The following PDPK1 variants were observed in gnomAD, a reference collection of about 807,000 sequenced individuals.
The protein encoded by PDPK1 is 3-phosphoinositide-dependent protein kinase 1.
Under a neutral mutation model 39.8 loss-of-function variants are expected in PDPK1, and 7 were observed. The ratio of observed to expected loss-of-function variants is 0.18; its 90% CI spans 0.10 to 0.33. PDPK1 has a LOEUF of 0.33. PDPK1 is among the 10% of genes least tolerant of loss of function. The pLI is 1.00. For synonymous variants in PDPK1, 118 were observed against 159.1 expected, an observed-to-expected ratio of 0.74 and a Z score of 1.95; for missense variants, 182 against 384.7, an observed-to-expected ratio of 0.47 and a Z score of 4.41.
intron 2 of PDPK1, among the ~76,000 whole-genome samples, chr16:2,558,434 C>G (rs1403529202): frequency 6.6e-6 from 1 of 150,490 alleles, no homozygotes; most frequent in African/African-American, 2.5e-5. Flanking sequence ...AAACAGTACG[C>G]TCTGGACATT....
chr16:2,595,431 G>A (rs928705370), intron 11 of PDPK1, among the ~76,000 whole-genome samples: 1 of 152,166 alleles, frequency 6.6e-6, no homozygotes, highest in African/African-American at 2.4e-5. Context: ...CCTTTCGGGA[G>A]GCAGTTCTGC....
At position 2,597,763 on chromosome 16, in the gene PDPK1, A is replaced by G; in HGVS notation, c.1667A>G (p.Gln556Arg). The G allele has an allele frequency of 1.9e-6, 3 of 1,608,364 alleles. No individual in the cohort carries two copies. Among genetic ancestry groups the G allele is most frequent in the Non-Finnish European group, 2.6e-6 (3 of 1,176,184 alleles). ...RYQSHPDAAV[Q>R] ...CAGAGCCACCCGGACGCCGCTGTGC[A>G]GTGACGTGGCCTGCGGCCGGGCTGC... is the stretch of plus-strand genomic sequence containing the variant. Residue 556 changes from glutamine to arginine, a missense_variant, in exon 14 of 14, where the codon CAG becomes CGG. Coordinates refer to ENST00000342085, the MANE Select transcript of PDPK1 (RefSeq NM_002613.5). This position sits in a 1 kb window ranked among gnomAD's most constrained non-coding sequence, Gnocchi z 6.3.
chr16:2,586,774 A>C lies in PDPK1; in HGVS notation c.1224A>C (p.Ser408=). ...SASDTGLPQR[S]GSNIEQYIHD... is the part of the protein sequence containing the mutation. ...CCGACACGGGCCTGCCCCAGAGGTC[A>C]GGCAGCAACATAGAGCAGTACATTC... is the stretch of plus-strand genomic sequence containing the variant. Residue 408 remains serine (S), a synonymous_variant, in exon 11 of 14, where the codon TCA becomes TCC. Coordinates refer to ENST00000342085, the MANE Select transcript of PDPK1 (RefSeq NM_002613.5). 6.2e-7 allele frequency: 1 copy of C among 1,614,262 alleles called. No homozygotes were observed. Among genetic ancestry groups the C allele is most frequent in the Non-Finnish European group, 8.5e-7 (1 of 1,180,040 alleles).
intron 6 of PDPK1, chr16:2,576,373 C>A (rs1165919162): frequency 6.8e-6 from 1 of 147,984 alleles, no homozygotes; most frequent in Non-Finnish European, 1.5e-5. Flanking sequence ...TTCCTCTAGG[C>A]CGGCAGGGGC....
At chr16:2,545,883 C>T (rs368742350) in intron 1 of PDPK1, among the ~76,000 whole-genome samples, 46 of 152,148 alleles carry the variant, frequency 3.0e-4, no homozygotes, top group African/African-American at 4.3e-4. Flanking sequence ...GTGATCCTAC[C>T]ACCTGCTCCT....
At chr16:2,592,357 T>C (rs549601636) in intron 11 of PDPK1, among the ~76,000 whole-genome samples, 1 of 152,162 alleles carries the variant, frequency 6.6e-6, no homozygotes, top group Non-Finnish European at 1.5e-5. Flanking sequence ...AAGTCCCGTG[T>C]GCATGGCGAG....
At chr16:2,596,835 GAGAGCAGGCTTCTGTCCCAGGC>G (rs960698049) in intron 12 of PDPK1, among the ~76,000 whole-genome samples, 14 of 152,140 alleles carry the variant, frequency 9.2e-5, no homozygotes, top group African/African-American at 3.4e-4. Flanking sequence ...GCCGGCTACC[GAGAGCAGGCTTCTGTCCCAGGC>G]AGAGCAGAGG....
rs56318884 is a variant in PDPK1 at position 2,601,813 on chromosome 16, C to A, written c.*4046C>A. On this transcript the variant is annotated 3_prime_UTR_variant, in exon 14 of 14. Coordinates refer to ENST00000342085, the MANE Select transcript of PDPK1 (RefSeq NM_002613.5). ...TGGTGTAGATTTCAGGCCGCCCCCC[C>A]CAACTCCCTGCCCACAGTGTTGCAG... is the stretch of plus-strand genomic sequence containing the variant. 1.8e-5 allele frequency: 4 copies of A among 226,640 alleles called. No homozygotes were observed. Among genetic ancestry groups the A allele is most frequent in the Non-Finnish European group, 3.5e-5 (4 of 113,820 alleles). 14.0% of individuals were successfully genotyped at this position (226,640 alleles called of 1,614,324 possible). A position where few individuals can be genotyped will look rare whatever the true frequency, so the allele number is the denominator to read the frequency against.
chr16:2,577,731 T>TTTTTTG lies in PDPK1; in HGVS notation c.785+243_785+248dup, dbSNP rs1453729236. On this transcript the variant is annotated intron_variant, in intron 7 of 13. Transcript: ENST00000342085. ...GGTTGCAGATTGAATCGTTTGGGTT[T>TTTTTTG]TTTTTGTTTTTGTTTTTTTGTTTTT... is the stretch of plus-strand genomic sequence containing the variant. Among the ~76,000 whole-genome samples the TTTTTTG allele has an allele frequency of 4.9e-4, 73 of 149,738 alleles. 3 individuals are homozygous for TTTTTTG. The East Asian group carries it at 0.013, about 27-fold the overall frequency.
At chr16:2,541,396 G>A (rs1302261474) in intron 1 of PDPK1, among the ~76,000 whole-genome samples, 3 of 152,228 alleles carry the variant, frequency 2.0e-5, no homozygotes, top group Admixed American at 6.5e-5. Context: ...GGGAAGCGCT[G>A]CAGAAATGAG....
At chr16:2,545,038 ATT>A (rs1233218927) in intron 1 of PDPK1, among the ~76,000 whole-genome samples, 10 of 134,786 alleles carry the variant, frequency 7.4e-5, no homozygotes, top group East Asian at 2.1e-4. Context: ...TTAACATTGC[ATT>A]TTTTTTTTTT....
Position 2,593,333 on chromosome 16 carries a change from C to G in PDPK1, c.1344-2460C>G. ...ACTGTGAATTTGCTGTGGGGTGCAG[C>G]TGATGGCCCATGGCGGCTGTATCTG... is the stretch of plus-strand genomic sequence containing the variant. On this transcript the variant is annotated intron_variant, in intron 11 of 13. Transcript: ENST00000342085. The surrounding 1 kb of genome is among the most constrained non-coding windows in gnomAD (Gnocchi z 4.2). 5.8e-6 allele frequency: 2 copies of G among 344,052 alleles called. No homozygotes were observed. The highest frequency in any genetic ancestry group is 2.2e-5 in the South Asian group (1 of 45,080). The allele number at this position is 344,052 out of a possible 1,614,324, so 21.3% of individuals were successfully genotyped here.
At position 2,586,698 on chromosome 16, in the gene PDPK1, T is replaced by C; in HGVS notation, c.1148T>C (p.Phe383Ser). 1 of 1,614,224 alleles carries C rather than the reference T, an allele frequency of 6.2e-7. No individual in the cohort carries two copies. The highest frequency in any genetic ancestry group is 8.5e-7 in the Non-Finnish European group (1 of 1,180,026). Reference sequence around the variant, plus strand: ...CAGTATGACAATCTCCTGAGCCAGTTTGGCTGCATGCAGGTGTCTTCGTCC... The same window carrying C: ...CAGTATGACAATCTCCTGAGCCAGTCTGGCTGCATGCAGGTGTCTTCGTCC... The part of the protein sequence containing the change: ...YGNYDNLLSQ[F>S]GCMQVSSSSS... The change falls in exon 11 of 14, where the codon TTT becomes TCT. Residue 383 changes from phenylalanine to serine, a missense_variant. Transcript: ENST00000342085.
intron 12 of PDPK1, 135 bp from the exon 13 acceptor site, chr16:2,596,988 C>T: frequency 5.7e-6 from 3 of 523,512 alleles, no homozygotes; most frequent in Admixed American, 6.9e-5. Context: ...AGTCCCCTGC[C>T]CCTGGGTGAG....
At position 2,601,364 on chromosome 16, in the gene PDPK1, A is replaced by AT. The variant is rs2067211688; in HGVS notation, c.*3603dup. 8.5e-6 allele frequency: 2 copies of AT among 234,498 alleles called. No individual in the cohort carries two copies. The highest frequency in any genetic ancestry group is 5.6e-5 in the Admixed American group (1 of 17,766). The allele number at this position is 234,498 out of a possible 1,614,324, so 14.5% of individuals were successfully genotyped here. On this transcript the variant is annotated 3_prime_UTR_variant, in exon 14 of 14. Transcript: ENST00000342085. The stretch of plus-strand genomic sequence containing the variant: ...CACTACTGCAATCCATCTGTGGCCG[A>AT]TTTTTTCCAAGAGCCAATTTCCTTG...
intron 1 of PDPK1, chr16:2,538,761 G>C (rs1403750306): frequency 1.6e-6 from 2 of 1,284,694 alleles, no homozygotes; most frequent in Non-Finnish European, 2.0e-6. Flanking sequence ...AGGGGAAAGT[G>C]AGCTTGACAG....
Position 2,586,815 on chromosome 16 carries a change from A to G in PDPK1, c.1265A>G (p.Asn422Ser). ...IEQYIHDLDS[N>S]SFELDLQFSE... The stretch of plus-strand genomic sequence containing the variant: ...CAGTACATTCACGATCTGGACTCGA[A>G]CTCCTTTGAACTGGACTTACAGTTT... The change falls in exon 11 of 14, where the codon AAC becomes AGC. Residue 422 changes from asparagine (N) to serine (S), a missense_variant. Asn to Ser is a conservative substitution (Grantham distance 46). Around this residue, in one of 5 missense-constraint regions of PDPK1, gnomAD observed 90 missense variants for 111.9 expected, o/e 0.80. Coordinates refer to ENST00000342085, the MANE Select transcript of PDPK1 (RefSeq NM_002613.5). 1.2e-6 allele frequency: 2 copies of G among 1,614,204 alleles called. No homozygotes were observed. The highest frequency in any genetic ancestry group is 8.5e-7 in the Non-Finnish European group (1 of 1,180,032).
intron 1 of PDPK1, chr16:2,538,804 A>G (rs746246894): frequency 1.6e-6 from 2 of 1,257,670 alleles, no homozygotes; most frequent in South Asian, 2.5e-5. Flanking sequence ...GACCAAAACA[A>G]ACCACTTGTT....
intron 11 of PDPK1, 75 bp from the exon 12 acceptor site, chr16:2,595,718 G>A (rs566871879): frequency 1.4e-4 from 173 of 1,197,448 alleles, no homozygotes; most frequent in Admixed American, 9.1e-4. Context: ...TGGGGAGTTC[G>A]TGTGGCAGGA....
Sources: gnomAD v4.1 joint callset for allele counts (sites outside exome capture counted in the v4.1 genomes callset) on GRCh38, gnomAD v4.1.1 for gene constraint, gnomAD v4.1.1 regional missense constraint, Gnocchi (gnomAD v3.1) non-coding constraint, MANE v1.5 for transcripts, NCBI Gene and HGNC (gene_info 2026-07-23, HGNC 2026-07-21) for gene names.